HIF3A: variants seen among roughly 807,000 people sequenced by gnomAD.
HIF3A encodes the protein hypoxia-inducible factor 3-alpha.
Under a neutral mutation model 67.2 loss-of-function variants are expected in HIF3A, and 41 were observed. The observed-to-expected ratio is 0.61, with a 90% CI of 0.48 to 0.79. The LOEUF is 0.79. HIF3A is among the 30% of genes least tolerant of loss of function. HIF3A has a pLI of 0.00. For synonymous variants in HIF3A, 356 were observed against 374.8 expected (o/e 0.95, Z 0.58); for missense variants, 855 against 898.0 (o/e 0.95, Z 0.61).
chr19:46,301,922 A>G (rs559230043), intron 1 of HIF3A, among the ~76,000 whole-genome samples: 37 of 152,158 alleles, frequency 2.4e-4, no homozygotes, highest in Non-Finnish European at 4.6e-4. Context: ...TACATGTAGA[A>G]TATATAGTAC....
chr19:46,308,325 C>G lies in HIF3A; in HGVS notation c.448+20C>G. On this transcript the variant is annotated intron_variant, in intron 4 of 14. Coordinates refer to ENST00000377670, the MANE Select transcript of HIF3A (RefSeq NM_152795.4). The stretch of plus-strand genomic sequence containing the variant: ...AGCAGAGTGAGTTCCCTGGAGGCCT[C>G]TGTCCCCACCATACAGAGGAGGAAG... 6.6e-7 allele frequency: 1 copy of G among 1,510,046 alleles called. No homozygotes were observed. The highest frequency in any genetic ancestry group is 9.1e-7 in the Non-Finnish European group (1 of 1,095,978). The allele number at this position is 1,510,046 out of a possible 1,614,324, so 93.5% of individuals were successfully genotyped here.
At chr19:46,305,217 G>A (rs1568502241) in intron 2 of HIF3A, 28 bp from the exon 3 acceptor site, 3 of 1,613,434 alleles carry the variant, frequency 1.9e-6, no homozygotes, top group Non-Finnish European at 2.5e-6. Flanking sequence ...GACTAGAGAT[G>A]CCCCCATCCC....
In HIF3A at chr19:46,338,083, C is replaced by T. The variant is rs528154484; in HGVS notation, c.1913-1442C>T. On this transcript the variant is annotated intron_variant, in intron 14 of 14. Coordinates refer to ENST00000377670, the MANE Select transcript of HIF3A (RefSeq NM_152795.4). ...TCCTCTATGCACCTGATCCAATTGG[C>T]GCTTCTCACTGGAGTGTCGGTCCCA... 5.5e-4 allele frequency: 223 copies of T among 407,522 alleles called. 1 individual carries two copies. Among genetic ancestry groups the T allele is most frequent in the South Asian group, 3.1e-3 (171 of 55,330 alleles). 25.2% of individuals were successfully genotyped at this position (407,522 alleles called of 1,614,324 possible). A position where few individuals can be genotyped will look rare whatever the true frequency, so the allele number is the denominator to read the frequency against.
chr19:46,339,198 A>G (rs1971833786), intron 14 of HIF3A, among the ~76,000 whole-genome samples: 1 of 152,076 alleles, frequency 6.6e-6, no homozygotes, highest in Non-Finnish European at 1.5e-5. Context: ...TTACGTGTCC[A>G]CCTTATCTAA....
In HIF3A at chr19:46,342,528, G is replaced by A. The variant is rs1043180218; in HGVS notation, c.*2906G>A. ...TGGGACTACAGGCATGAGCCACTGA[G>A]CCCAGCCAGGCTTTTTCTAATTCTA... On this transcript the variant is annotated 3_prime_UTR_variant, in exon 15 of 15. Transcript: ENST00000377670. The A allele has an allele frequency of 1.3e-5, 2 of 152,140 alleles. No homozygotes were observed. The highest frequency in any genetic ancestry group is 4.8e-5 in the African/African-American group (2 of 41,430). 9.4% of individuals were successfully genotyped at this position (152,140 alleles called of 1,614,324 possible).
chr19:46,330,544 A>AGATGGATGGTG (rs575600932), intron 12 of HIF3A, among the ~76,000 whole-genome samples: 18 of 149,050 alleles, frequency 1.2e-4, no homozygotes, highest in African/African-American at 4.5e-4. Flanking sequence ...GATGGATGGC[A>AGATGGATGGTG]GATGGATGGT....
chr19:46,331,153 C>T lies in HIF3A; in HGVS notation c.1713-3C>T, dbSNP rs569117822. On this transcript the variant is annotated splice_polypyrimidine_tract_variant and splice_region_variant and intron_variant, in intron 12 of 14. Transcript: ENST00000377670. ...CCTGAGATTCTTGCCTGTTTTCCTC[C>T]AGGACCCTGGCCCAGAGCTCAGAGG... is the stretch of plus-strand genomic sequence containing the variant. 2.7e-5 allele frequency: 44 copies of T among 1,609,398 alleles called. No homozygotes were observed. The highest frequency in any genetic ancestry group is 1.7e-4 in the Middle Eastern group (1 of 6,000).
chr19:46,339,589 C>T lies in HIF3A; in HGVS notation c.1977C>T (p.Phe659=), dbSNP rs372387172. ...ACACTACCCAGCCCGGGGGCCCCTTCCAGCCAAGGGCAGGCTCAGCCCAGG... is the reference window on the plus strand; with the variant it reads ...ACACTACCCAGCCCGGGGGCCCCTTTCAGCCAAGGGCAGGCTCAGCCCAGG... The part of the protein sequence containing the change: ...DEDTTQPGGP[F]QPRAGSAQAD Residue 659 remains phenylalanine, a synonymous_variant, in exon 15 of 15, where the codon TTC becomes TTT. Coordinates refer to ENST00000377670, the MANE Select transcript of HIF3A (RefSeq NM_152795.4). The T allele has an allele frequency of 1.9e-6, 3 of 1,609,264 alleles. No individual in the cohort carries two copies. In the African/African-American group the frequency reaches 4.0e-5, roughly 22 times the overall value.
chr19:46,325,620 C>T lies in HIF3A; in HGVS notation c.1421C>T (p.Thr474Ile), dbSNP rs143549794. The stretch of plus-strand genomic sequence containing the variant: ...GGGAAAGACACTGAGGCAGTGGAGA[C>T]AGATTTAGATATAGCTCAGGTAAGG... The part of the protein sequence containing the change: ...TSGKDTEAVE[T>I]DLDIAQDADA... Residue 474 changes from threonine (T) to isoleucine (I), a missense_variant, in exon 11 of 15, where the codon ACA becomes ATA. By Grantham distance (89) the Thr-to-Ile change is moderately conservative. This residue lies in a region of HIF3A where 638 missense variants were observed against 660.5 expected (regional missense o/e 0.97). Transcript: ENST00000377670. 500 of 1,612,128 alleles carry T rather than the reference C, an allele frequency of 3.1e-4. 1 individual carries two copies. The highest frequency in any genetic ancestry group is 3.8e-4 in the Non-Finnish European group (449 of 1,178,942).
At chr19:46,327,933 A>G (rs555110233) in intron 11 of HIF3A, among the ~76,000 whole-genome samples, 11 of 152,224 alleles carry the variant, frequency 7.2e-5, no homozygotes, top group Non-Finnish European at 1.5e-4. Flanking sequence ...ATTGACATGT[A>G]GCAATATGTG....
Position 46,301,315 on chromosome 19 carries a change from C to T in HIF3A, c.27-2583C>T, listed in dbSNP as rs991745369. ...GCTGGGGTTGATGCCACCCCAGAAG[C>T]ACCCTCTGCTCTTGAATTTAAGAAG... On this transcript the variant is annotated intron_variant, in intron 1 of 14. Coordinates refer to ENST00000377670, the MANE Select transcript of HIF3A (RefSeq NM_152795.4). Among the ~76,000 whole-genome samples, 5 of 152,152 alleles carry T rather than the reference C, an allele frequency of 3.3e-5. No homozygotes were observed. In the South Asian group the frequency reaches 8.3e-4, roughly 25 times the overall value.
rs866946677 is a variant in HIF3A at position 46,317,588 on chromosome 19, G to A, written c.1026-2855G>A. On this transcript the variant is annotated intron_variant, in intron 8 of 14. Coordinates refer to ENST00000377670, the MANE Select transcript of HIF3A (RefSeq NM_152795.4). ...CTCTCCTTTCTCCTGAGTCATGCCC[G>A]CTCATCCTTCCAGTCTCAGCTCAGA... Among the ~76,000 whole-genome samples, 9 of 151,822 alleles carry A rather than the reference G, an allele frequency of 5.9e-5. 1 individual carries two copies. The Middle Eastern group carries it at 0.014, about 230-fold the overall frequency.
chr19:46,333,780 C>CTTTT (rs1971409011), intron 13 of HIF3A, among the ~76,000 whole-genome samples: 1 of 131,804 alleles, frequency 7.6e-6, no homozygotes, highest in Non-Finnish European at 1.6e-5. Context: ...CCTTTCTTTT[C>CTTTT]TTTCTTTCTT....
At chr19:46,329,611 C>A in intron 12 of HIF3A, 133 bp downstream of exon 12, 1 of 1,100,044 alleles carries the variant, frequency 9.1e-7, no homozygotes, top group Non-Finnish European at 1.2e-6. Context: ...TCGGTGGGCC[C>A]AGCACATGCC....
chr19:46,307,374 G>A (rs1250847094), intron 3 of HIF3A, among the ~76,000 whole-genome samples: 1 of 152,148 alleles, frequency 6.6e-6, no homozygotes, highest in Admixed American at 6.6e-5. Flanking sequence ...GGCCAAGGTG[G>A]GAGGATCACT....
chr19:46,310,513 C>G (rs1969334796), intron 6 of HIF3A: 1 of 437,160 alleles, frequency 2.3e-6, no homozygotes, highest in East Asian at 7.3e-5. Context: ...CTTCTTCTGT[C>G]TTATCCCTCG....
intron 10 of HIF3A, among the ~76,000 whole-genome samples, chr19:46,325,178 G>A (rs1427394141): frequency 1.3e-5 from 2 of 151,708 alleles, no homozygotes; most frequent in Admixed American, 6.6e-5. Flanking sequence ...TGTACTTTTA[G>A]TAGAGACAGG....
chr19:46,324,370 T>C (rs965650041), intron 10 of HIF3A, among the ~76,000 whole-genome samples: 22 of 152,192 alleles, frequency 1.4e-4, no homozygotes, highest in African/African-American at 5.1e-4. Context: ...TTGACCTCAG[T>C]GGGTCCACGT....
intron 1 of HIF3A, among the ~76,000 whole-genome samples, chr19:46,300,993 C>T (rs917822907): frequency 7.9e-5 from 12 of 152,022 alleles, no homozygotes; most frequent in Non-Finnish European, 1.6e-4. Flanking sequence ...CCCTGTCGGG[C>T]CCCCAGCTCC....
Sources: gnomAD v4.1 joint callset for allele counts (sites outside exome capture counted in the v4.1 genomes callset) on GRCh38, gnomAD v4.1.1 for gene constraint, gnomAD v4.1.1 regional missense constraint, MANE v1.5 for transcripts, NCBI Gene and HGNC (gene_info 2026-07-23, HGNC 2026-07-21) for gene names.